TEX13A: variants seen among roughly 807,000 people sequenced by gnomAD.
TEX13A encodes the protein testis-expressed protein 13A.
TEX13A carries 8 observed loss-of-function variants against 7.1 expected under a neutral mutation model. The ratio of observed to expected loss-of-function variants is 1.12; its 90% confidence interval spans 0.66 to 2.03. The LOEUF is 2.03. Ranked by LOEUF, TEX13A falls within the 30% of genes most tolerant of loss-of-function variation. TEX13A has a pLI of 0.00. For synonymous variants in TEX13A, 151 were observed against 134.2 expected, an observed-to-expected ratio of 1.13 and a Z score of -0.87; for missense variants, 362 against 332.2, an observed-to-expected ratio of 1.09 and a Z score of -0.70.
At chrX:105,220,498 C>T (rs1438474470) in intron 1 of TEX13A, 69 bp from the exon 2 acceptor site, 7 of 800,856 alleles carry the variant, frequency 8.7e-6, no homozygotes, top group African/African-American at 4.3e-5. Flanking sequence ...CATCTTCTCC[C>T]GCCCTCTTGT....
At position 105,219,220 on chromosome X, in the gene TEX13A, G is replaced by A. The variant is rs1556173232; in HGVS notation, c.974C>T (p.Thr325Ile). The change falls in exon 3 of 3, where the codon ACA (threonine) becomes ATA (isoleucine). Residue 325 changes from threonine (T) to isoleucine (I), a missense_variant. Thr to Ile is a moderately conservative substitution (Grantham distance 89). Coordinates refer to ENST00000600991, the MANE Select transcript of TEX13A (RefSeq NM_031274.5). ...AGGCAGCTGAGGCGGAACTGGTGCT[G>A]TGACTGTTGCTTGTGGAGGGGATAT... ...PTISPPQATVTAPVPPQLPSD... is the reference protein window; with the variant it reads ...PTISPPQATVIAPVPPQLPSD... The A allele has an allele frequency of 4.1e-6, 5 of 1,211,153 alleles. No homozygotes were observed. The East Asian group carries it at 1.5e-4, about 36-fold the overall frequency.
In TEX13A at chrX:105,219,488, C is replaced by T. The variant is rs1300539368; in HGVS notation, c.706G>A (p.Glu236Lys). 4 of 1,210,202 alleles carry T rather than the reference C, an allele frequency of 3.3e-6. No individual in the cohort carries two copies. The African/African-American group carries it at 6.9e-5, about 21-fold the overall frequency. ...PHVEARAASMETTEKLERILL... is the reference protein window; with the variant it reads ...PHVEARAASMKTTEKLERILL... ...ATTCTCTCCAGCTTCTCTGTGGTCT[C>T]CATGGAGGCAGCCCTGGCCTCCACG... Residue 236 changes from glutamate (E) to lysine (K), a missense_variant, in exon 3 of 3, where the codon GAG (glutamate) becomes AAG (lysine). By Grantham distance (56) the Glu-to-Lys change is moderately conservative. Transcript: ENST00000600991.
Position 105,219,719 on chromosome X carries a change from A to G in TEX13A, c.475T>C (p.Trp159Arg). The part of the protein sequence containing the change: ...SPHEWEQGAG[W>R]PGLATAGGVC... ...CCTCCGGCAGTGGCCAGGCCTGGCC[A>G]CCCTGCCCCCTGCTCCCACTCATGG... The change falls in exon 3 of 3, where the codon TGG becomes CGG. Residue 159 changes from tryptophan (W) to arginine (R), a missense_variant. By Grantham distance (101) the Trp-to-Arg change is moderately radical. Transcript: ENST00000600991. The G allele has an allele frequency of 8.3e-7, 1 of 1,203,384 alleles. No individual in the cohort carries two copies.
Position 105,220,445 on chromosome X carries a change from A to T in TEX13A, c.-32-16T>A. 1 of 1,077,567 alleles carries T rather than the reference A, an allele frequency of 9.3e-7. No individual in the cohort carries two copies. The highest frequency in any genetic ancestry group is 1.2e-6 in the Non-Finnish European group (1 of 812,412). 88.8% of individuals were successfully genotyped at this position (1,077,567 alleles called of 1,213,427 possible). Reference sequence around the variant, plus strand: ...TTCACTAGCCCTGTGTGGATGGAGCAGCCAATAGGTTCCTTTCCTCCCCCT... The same window carrying T: ...TTCACTAGCCCTGTGTGGATGGAGCTGCCAATAGGTTCCTTTCCTCCCCCT... On this transcript the variant is annotated splice_polypyrimidine_tract_variant and intron_variant, in intron 1 of 2. Coordinates refer to ENST00000600991, the MANE Select transcript of TEX13A (RefSeq NM_031274.5).
chrX:105,220,302 G>C lies in TEX13A; in HGVS notation c.96C>G (p.Pro32=), dbSNP rs782166550. 4 of 1,210,401 alleles carry C rather than the reference G, an allele frequency of 3.3e-6. No individual in the cohort carries two copies. Among genetic ancestry groups the C allele is most frequent in the South Asian group, 3.5e-5 (2 of 56,892 alleles). ...AGGATATATTCTCAAGATAGAACTC[G>C]GGGCCTTTCGTGTGCCTGGCCATTT... ...NEKMARHTKG[P]EFYLENISLS... The change falls in exon 2 of 3, where the codon CCC becomes CCG. Residue 32 remains proline, a synonymous_variant. Coordinates refer to ENST00000600991, the MANE Select transcript of TEX13A (RefSeq NM_031274.5).
chrX:105,219,818 G>A lies in TEX13A; in HGVS notation c.436-60C>T, dbSNP rs782291946. The A allele has an allele frequency of 1.2e-5, 13 of 1,114,593 alleles. No individual in the cohort carries two copies. The East Asian group carries it at 3.4e-4, about 29-fold the overall frequency. 91.9% of individuals were successfully genotyped at this position (1,114,593 alleles called of 1,213,427 possible). ...GGGGGCAAGGCGGGAGCACTAAGCA[G>A]GGTAGGACGGAGCTACCAGGTGGGA... On this transcript the variant is annotated intron_variant, in intron 2 of 2. Transcript: ENST00000600991.
chrX:105,219,027 A>C lies in TEX13A; in HGVS notation c.1167T>G (p.Asn389Lys), dbSNP rs199803207. 16 of 1,209,048 alleles carry C rather than the reference A, an allele frequency of 1.3e-5. No individual in the cohort carries two copies. Among genetic ancestry groups the C allele is most frequent in the Non-Finnish European group, 1.8e-5 (16 of 894,918 alleles). Residue 389 changes from asparagine (N) to lysine (K), a missense_variant, in exon 3 of 3, where the codon AAT (asparagine) becomes AAG (lysine). Transcript: ENST00000600991. ...DWDCPWCNAVNFSRRDTCFDC... is the reference protein window; with the variant it reads ...DWDCPWCNAVKFSRRDTCFDC... The stretch of plus-strand genomic sequence containing the variant: ...CGAAGCAAGTATCCCTCCGTGAAAA[A>C]TTCACAGCGTTACACCAAGGGCAGT...
rs2033952742 is a variant in TEX13A, at chrX:105,220,645, C to T, written c.-83G>A. 6.4e-6 allele frequency: 2 copies of T among 312,874 alleles called. No individual in the cohort carries two copies. The highest frequency in any genetic ancestry group is 4.5e-5 in the East Asian group (1 of 22,191). 25.8% of individuals were successfully genotyped at this position (312,874 alleles called of 1,213,427 possible). A position where few individuals can be genotyped will look rare whatever the true frequency, so the allele number is the denominator to read the frequency against. On this transcript the variant is annotated 5_prime_UTR_variant, in exon 1 of 3. It adds an upstream start codon to the 5' untranslated region. Transcript: ENST00000600991. ...ACAGGCCAACCCCGCTGTCTTAACACGCCCGAAGAGAGAGGAAGATCTCTC... is the reference window on the plus strand; with the variant it reads ...ACAGGCCAACCCCGCTGTCTTAACATGCCCGAAGAGAGAGGAAGATCTCTC...
intron 2 of TEX13A, 92 bp downstream of exon 2, chrX:105,219,871 C>G: frequency 9.3e-7 from 1 of 1,076,353 alleles, no homozygotes; most frequent in Non-Finnish European, 1.2e-6. Flanking sequence ...AGCCATGGAG[C>G]AGGGTGGAGA....
chrX:105,220,545 A>C, intron 1 of TEX13A, 50 bp downstream of exon 1: 4 of 499,686 alleles, frequency 8.0e-6, no homozygotes, highest in Non-Finnish European at 6.1e-6. Context: ...CGTCCTAATG[A>C]CCCCCTGACC....
chrX:105,219,408 C>T lies in TEX13A; in HGVS notation c.786G>A (p.Gln262=). The T allele has an allele frequency of 8.3e-7, 1 of 1,210,587 alleles. No individual in the cohort carries two copies. Among genetic ancestry groups the T allele is most frequent in the Non-Finnish European group, 1.1e-6 (1 of 895,107 alleles). ...CGACCGACCGGAGATCTCCCTCCTT[C>T]TGCCCCCAATAGGTGTACTTTTCCT... ...ADQEKYTYWG[Q]KEGDLRSVET... The change falls in exon 3 of 3, where the codon CAG becomes CAA. Residue 262 remains glutamine (Q), a synonymous_variant. Transcript: ENST00000600991.
At position 105,219,141 on chromosome X, in the gene TEX13A, T is replaced by A. The variant is rs1465697989; in HGVS notation, c.1053A>T (p.Arg351Ser). Reference protein sequence around the residue: ...TSLWSDGGPHRIDHQEHPRDR... With the variant: ...TSLWSDGGPHSIDHQEHPRDR... ...CTCTTGGGTGCTCCTGATGGTCTATTCTGTGGGGCCCCCCATCAGACCACA... is the reference window on the plus strand; with the variant it reads ...CTCTTGGGTGCTCCTGATGGTCTATACTGTGGGGCCCCCCATCAGACCACA... The change falls in exon 3 of 3, where the codon AGA becomes AGT. Residue 351 changes from arginine (R) to serine (S), a missense_variant. Transcript: ENST00000600991. 5.8e-6 allele frequency: 7 copies of A among 1,209,065 alleles called. No individual in the cohort carries two copies. Among genetic ancestry groups the A allele is most frequent in the Non-Finnish European group, 7.8e-6 (7 of 894,972 alleles).
Position 105,220,134 on chromosome X carries a change from G to A in TEX13A, c.264C>T (p.His88=). The change falls in exon 2 of 3, where the codon CAC becomes CAT. Residue 88 remains histidine, a synonymous_variant. Coordinates refer to ENST00000600991, the MANE Select transcript of TEX13A (RefSeq NM_031274.5). ...CGAAGCCGTGCAGCCACCGCACCCT[G>A]TGCCTTTGTAGCTGTGCCTGCCTGT... is the stretch of plus-strand genomic sequence containing the variant. ...FAHRQAQLQR[H]RVRWLHGFAK... 1 of 1,211,652 alleles carries A rather than the reference G, an allele frequency of 8.3e-7. No homozygotes were observed. The highest frequency in any genetic ancestry group is 1.1e-6 in the Non-Finnish European group (1 of 895,413).
rs370613439 is a variant in TEX13A, at chrX:105,219,207, C to T, written c.987G>A (p.Pro329=). 1.3e-5 allele frequency: 16 copies of T among 1,208,566 alleles called. No individual in the cohort carries two copies. The highest frequency in any genetic ancestry group is 3.5e-5 in the African/African-American group (2 of 56,793). Residue 329 remains proline, a synonymous_variant, in exon 3 of 3, where the codon CCG becomes CCA. Coordinates refer to ENST00000600991, the MANE Select transcript of TEX13A (RefSeq NM_031274.5). ...CCTCCCAGTCGGAAGGCAGCTGAGG[C>T]GGAACTGGTGCTGTGACTGTTGCTT... ...PPQATVTAPV[P]PQLPSDWEAF... is the part of the protein sequence containing the mutation.
Position 105,219,484 on chromosome X carries a change from G to A in TEX13A, c.710C>T (p.Thr237Ile). The stretch of plus-strand genomic sequence containing the variant: ...GAGGATTCTCTCCAGCTTCTCTGTG[G>A]TCTCCATGGAGGCAGCCCTGGCCTC... The part of the protein sequence containing the change: ...HVEARAASME[T>I]TEKLERILLQ... Residue 237 changes from threonine (T) to isoleucine (I), a missense_variant, in exon 3 of 3, where the codon ACC becomes ATC. Coordinates refer to ENST00000600991, the MANE Select transcript of TEX13A (RefSeq NM_031274.5). The A allele has an allele frequency of 8.3e-7, 1 of 1,210,037 alleles. No individual in the cohort carries two copies. Among genetic ancestry groups the A allele is most frequent in the Non-Finnish European group, 1.1e-6 (1 of 895,087 alleles).
At position 105,220,513 on chromosome X, in the gene TEX13A, G is replaced by A. The variant is rs182068237; in HGVS notation, c.-33+82C>T. 1.4e-4 allele frequency: 98 copies of A among 689,160 alleles called. 1 individual carries two copies. The African/African-American group carries it at 1.7e-3, about 12-fold the overall frequency. 56.8% of individuals were successfully genotyped at this position (689,160 alleles called of 1,213,427 possible). A position where few individuals can be genotyped will look rare whatever the true frequency, so the allele number is the denominator to read the frequency against. On this transcript the variant is annotated intron_variant, in intron 1 of 2. Transcript: ENST00000600991. ...CATCTTCTCCCGCCCTCTTGTCCCC[G>A]CCCTACCCGCTCTGACAAGACCGTC...
Position 105,219,628 on chromosome X carries a change from C to G in TEX13A, c.566G>C (p.Gly189Ala). ...EAAVAAAGAA[G>A]GKGAEEEQRD... ...CTGCTCTTCTTCTGCTCCTTTTCCT[C>G]CAGCAGCACCAGCAGCAGCCACCGC... is the stretch of plus-strand genomic sequence containing the variant. The change falls in exon 3 of 3, where the codon GGA (glycine) becomes GCA (alanine). Residue 189 changes from glycine to alanine, a missense_variant. Transcript: ENST00000600991. 1 of 1,210,142 alleles carries G rather than the reference C, an allele frequency of 8.3e-7. No homozygotes were observed. Among genetic ancestry groups the G allele is most frequent in the South Asian group, 1.8e-5 (1 of 56,897 alleles).
Position 105,219,306 on chromosome X carries a change from G to A in TEX13A, c.888C>T (p.Leu296=). ...AGTATGAGTATGAGTATGAGGCAGG[G>A]AGCTGGACAGGAAGAGGTTCTGATG... ...RASSEPLPVQ[L]PASYSYSYSS... Residue 296 remains leucine, a synonymous_variant, in exon 3 of 3, where the codon CTC becomes CTT. Coordinates refer to ENST00000600991, the MANE Select transcript of TEX13A (RefSeq NM_031274.5). 8.3e-7 allele frequency: 1 copy of A among 1,211,180 alleles called. No individual in the cohort carries two copies. The highest frequency in any genetic ancestry group is 1.1e-6 in the Non-Finnish European group (1 of 895,031).
In TEX13A at chrX:105,220,555, C is replaced by A; in HGVS notation, c.-33+40G>T. 4 of 490,885 alleles carry A rather than the reference C, an allele frequency of 8.1e-6. No homozygotes were observed. In the South Asian group the frequency reaches 1.4e-4, roughly 18 times the overall value. The allele number at this position is 490,885 out of a possible 1,213,427, so 40.5% of individuals were successfully genotyped here. A position where few individuals can be genotyped will look rare whatever the true frequency, so the allele number is the denominator to read the frequency against. The stretch of plus-strand genomic sequence containing the variant: ...AAGACCGTCCTAATGACCCCCTGAC[C>A]GGCTTGTCCTACCCTAGGACACCTC... On this transcript the variant is annotated intron_variant, in intron 1 of 2. Transcript: ENST00000600991.
Sources: gnomAD v4.1 joint callset for allele counts on GRCh38, gnomAD v4.1.1 for gene constraint, MANE v1.5 for transcripts, NCBI Gene and HGNC (gene_info 2026-07-23, HGNC 2026-07-21) for gene names.